Variants in TAFA2 observed in about 807,000 individuals in gnomAD.
The protein encoded by TAFA2 is TAFA chemokine like family member 2, also known as chemokine-like protein TAFA-2.
In TAFA2, 7 loss-of-function variants were observed where a neutral mutation model predicts 18.8. That is an observed-to-expected ratio of 0.37 (90% CI 0.21 to 0.70). The LOEUF (loss-of-function observed/expected upper bound fraction) is 0.70, where lower values mean the gene tolerates loss of function less well. Ranked by LOEUF, TAFA2 falls within the 30% of genes least tolerant of loss-of-function variation. TAFA2 has a pLI of 0.53. For synonymous variants in TAFA2, 60 were observed against 54.2 expected (o/e 1.11, Z -0.47); for missense variants, 122 against 158.1 (o/e 0.77, Z 1.23).
intron 1 of TAFA2, among the ~76,000 whole-genome samples, chr12:62,035,125 G>T (rs1881563751): frequency 6.6e-6 from 1 of 152,156 alleles, no homozygotes; most frequent in South Asian, 2.1e-4. Flanking sequence ...ACCCCTCTAT[G>T]TGTCAAAAAT....
intron 1 of TAFA2, among the ~76,000 whole-genome samples, chr12:61,994,780 A>C (rs1055893585): frequency 3.9e-5 from 6 of 151,944 alleles, no homozygotes; most frequent in Admixed American, 2.6e-4. Flanking sequence ...CTTTCTTCTT[A>C]CTTGCCTGGA....
chr12:62,202,733 A>G lies in TAFA2; in HGVS notation c.-130+56030T>C, dbSNP rs190027897. On this transcript the variant is annotated intron_variant, in intron 1 of 5. Coordinates refer to the TAFA2 transcript ENST00000551619. ...GTCTCTTTGTTCTGATTGGTTTCTA[A>G]GAACTTCTTGATTTCTGCCTTAATT... 1.5e-3 allele frequency among the ~76,000 whole-genome samples: 221 copies of G among 151,696 alleles called. 1 individual carries two copies. The highest frequency in any genetic ancestry group is 5.1e-3 in the African/African-American group (209 of 41,360).
At chr12:61,898,783 GCTC>G (rs1875969627) in intron 1 of TAFA2, among the ~76,000 whole-genome samples, 2 of 152,178 alleles carry the variant, frequency 1.3e-5, no homozygotes, top group Non-Finnish European at 2.9e-5. Flanking sequence ...TTAACATTCA[GCTC>G]CTCATTACTT....
At chr12:62,139,605 A>G (rs1387069550) in intron 1 of TAFA2, among the ~76,000 whole-genome samples, 1 of 152,216 alleles carries the variant, frequency 6.6e-6, no homozygotes, top group East Asian at 1.9e-4. Flanking sequence ...CAACATCTGC[A>G]CCAGAGAAAC....
intron 2 of TAFA2, among the ~76,000 whole-genome samples, chr12:61,801,427 A>G (rs1871392867): frequency 6.6e-6 from 1 of 152,152 alleles, no homozygotes; most frequent in South Asian, 2.1e-4. Flanking sequence ...AAACAGACAC[A>G]AAGAACAGAG....
chr12:62,012,196 A>G (rs991392443), intron 1 of TAFA2, among the ~76,000 whole-genome samples: 2 of 152,176 alleles, frequency 1.3e-5, no homozygotes, highest in African/African-American at 4.8e-5. Context: ...CCTCATATAC[A>G]CTGGTGCATT....
intron 1 of TAFA2, among the ~76,000 whole-genome samples, chr12:62,034,174 C>T (rs1003035795): frequency 1.6e-4 from 24 of 152,104 alleles, no homozygotes; most frequent in African/African-American, 5.1e-4. Context: ...TGCCTTTTAA[C>T]TCCAGGAAAA....
At chr12:61,870,808 G>A (rs1874567046) in intron 1 of TAFA2, among the ~76,000 whole-genome samples, 1 of 152,030 alleles carries the variant, frequency 6.6e-6, no homozygotes, top group African/African-American at 2.4e-5. Context: ...CCTCCTATAG[G>A]ATTTGCCCAA....
chr12:61,822,431 A>G (rs1872358977), intron 2 of TAFA2, among the ~76,000 whole-genome samples: 1 of 152,182 alleles, frequency 6.6e-6, no homozygotes, highest in Non-Finnish European at 1.5e-5. Flanking sequence ...CCAATCTACT[A>G]AAAGTTCAAA....
intron 1 of TAFA2, among the ~76,000 whole-genome samples, chr12:62,171,265 G>A (rs562619328): frequency 6.6e-6 from 1 of 152,134 alleles, no homozygotes; most frequent in Non-Finnish European, 1.5e-5. Flanking sequence ...ACATAAATAA[G>A]CAAATCCTCC....
intron 1 of TAFA2, among the ~76,000 whole-genome samples, chr12:62,050,860 A>G (rs934057956): frequency 4.6e-5 from 7 of 152,190 alleles, no homozygotes; most frequent in African/African-American, 1.7e-4. Context: ...CAAACACTAT[A>G]AATTACAGTT....
intron 4 of TAFA2, among the ~76,000 whole-genome samples, chr12:61,727,295 T>C (rs1322426524): frequency 6.6e-6 from 1 of 152,002 alleles, no homozygotes; most frequent in Non-Finnish European, 1.5e-5. Flanking sequence ...TCTGTAGAAT[T>C]GGTACCAATT....
intron 1 of TAFA2, among the ~76,000 whole-genome samples, chr12:61,993,557 G>A (rs1312271632): frequency 2.6e-5 from 4 of 152,016 alleles, no homozygotes; most frequent in Admixed American, 1.3e-4. Flanking sequence ...TTTTGACCTA[G>A]GTGTCAAAAG....
chr12:62,206,633 G>C (rs2062692718), intron 1 of TAFA2, among the ~76,000 whole-genome samples: 1 of 152,004 alleles, frequency 6.6e-6, no homozygotes, highest in South Asian at 2.1e-4. Flanking sequence ...GCTCAAGAGA[G>C]CCTCCTGCCT....
Position 61,894,504 on chromosome 12 carries a change from G to A in TAFA2, c.-1-27078C>T, listed in dbSNP as rs185998866. ...AGCAAAGAGACAGTGCTACATTTGG[G>A]GAGCACAAAGACAAACAGTAAAGAC... On this transcript the variant is annotated intron_variant, in intron 1 of 4. Transcript: ENST00000416284. 2.0e-3 allele frequency among the ~76,000 whole-genome samples: 311 copies of A among 152,174 alleles called. 3 individuals carry two copies. The highest frequency in any genetic ancestry group is 7.2e-3 in the African/African-American group (299 of 41,522).
intron 4 of TAFA2, among the ~76,000 whole-genome samples, chr12:61,716,377 T>C (rs1869659986): frequency 6.6e-6 from 1 of 152,208 alleles, no homozygotes; most frequent in African/African-American, 2.4e-5. Flanking sequence ...ATAAATGGGA[T>C]ATTATTATGC....
chr12:61,774,508 TA>T (rs1565629506), intron 2 of TAFA2, among the ~76,000 whole-genome samples: 1 of 151,846 alleles, frequency 6.6e-6, no homozygotes, highest in East Asian at 1.9e-4. Context: ...ATGAAATGAT[TA>T]CATTCACAGC....
intron 2 of TAFA2, among the ~76,000 whole-genome samples, chr12:61,792,899 A>G (rs1247398904): frequency 6.6e-6 from 1 of 151,604 alleles, no homozygotes; most frequent in Non-Finnish European, 1.5e-5. Context: ...AAATTTGCAC[A>G]ACATTATCAA....
chr12:62,165,674 G>A (rs1010310993), intron 1 of TAFA2, among the ~76,000 whole-genome samples: 1 of 151,738 alleles, frequency 6.6e-6, no homozygotes, highest in Non-Finnish European at 1.5e-5. Context: ...CTCACCCTTC[G>A]TAAGTAATCT....
Sources: allele counts gnomAD v4.1 joint callset (sites outside exome capture counted in the v4.1 genomes callset), GRCh38; gene constraint gnomAD v4.1.1; transcripts MANE v1.5; gene names NCBI Gene and HGNC (gene_info 2026-07-23, HGNC 2026-07-21).